Variants in PLCB1 observed in about 807,000 individuals in gnomAD.
PLCB1 encodes 1-phosphatidylinositol 4,5-bisphosphate phosphodiesterase beta-1.
Under a neutral mutation model 161.8 loss-of-function variants are expected in PLCB1, and 46 were observed. The ratio of observed to expected loss-of-function variants is 0.28; its 90% confidence interval spans 0.22 to 0.36. The LOEUF (loss-of-function observed/expected upper bound fraction) is 0.36. Ranked by LOEUF, PLCB1 falls within the 10% of genes least tolerant of loss-of-function variation. The probability of loss-of-function intolerance (pLI) is 1.00; values close to 1 mark genes in which losing one functional copy is unlikely to be tolerated. For synonymous variants in PLCB1, 517 were observed against 503.7 expected (o/e 1.03, Z -0.35); for missense variants, 1,016 against 1,472.5 (o/e 0.69, Z 5.07).
intron 31 of PLCB1, among the ~76,000 whole-genome samples, chr20:8,875,799 CT>C (rs1445151312): frequency 6.6e-6 from 1 of 151,882 alleles, no homozygotes; most frequent in African/African-American, 2.4e-5. Flanking sequence ...ACTCAGTAAT[CT>C]GTCTTATATT....
intron 3 of PLCB1, among the ~76,000 whole-genome samples, chr20:8,583,016 G>T (rs1276743860): frequency 6.7e-6 from 1 of 150,128 alleles, no homozygotes; most frequent in African/African-American, 2.5e-5. Context: ...AAAGGAAAAT[G>T]ATTCTAACAC....
chr20:8,452,494 C>T (rs887635889), intron 3 of PLCB1, among the ~76,000 whole-genome samples: 3 of 152,168 alleles, frequency 2.0e-5, no homozygotes, highest in Non-Finnish European at 4.4e-5. Context: ...TATTGTTTTT[C>T]TCCAAAGTGC....
chr20:8,808,172 C>T (rs765707336), intron 31 of PLCB1, among the ~76,000 whole-genome samples: 74 of 152,172 alleles, frequency 4.9e-4, no homozygotes, highest in Non-Finnish European at 9.3e-4. Context: ...TGCTCAGCTT[C>T]CACAGCAAAA....
chr20:8,160,822 CATTT>C (rs1233219419), intron 2 of PLCB1, among the ~76,000 whole-genome samples: 3 of 152,260 alleles, frequency 2.0e-5, no homozygotes, highest in Admixed American at 6.5e-5. Context: ...ATTATTTAAA[CATTT>C]ATCACACACA....
chr20:8,171,403 G>A (rs2051731838), intron 2 of PLCB1, among the ~76,000 whole-genome samples: 3 of 151,940 alleles, frequency 2.0e-5, no homozygotes, highest in South Asian at 2.1e-4. Context: ...CATATGTTAT[G>A]TTTTTTGTTG....
At chr20:8,150,511 C>A (rs563831388) in intron 2 of PLCB1, 140 bp downstream of exon 2, 1 of 469,680 alleles carries the variant, frequency 2.1e-6, no homozygotes, top group South Asian at 4.2e-5. Flanking sequence ...TAAAGAATAT[C>A]TAAGGTATTC....
intron 2 of PLCB1, among the ~76,000 whole-genome samples, chr20:8,330,665 A>T (rs115142808): frequency 1.5e-3 from 224 of 152,328 alleles, no homozygotes; most frequent in African/African-American, 5.3e-3. Context: ...CATTCAAGGG[A>T]TCCTGCAAAG....
At chr20:8,264,912 C>T (rs1487858147) in intron 2 of PLCB1, among the ~76,000 whole-genome samples, 1 of 152,090 alleles carries the variant, frequency 6.6e-6, no homozygotes, top group East Asian at 1.9e-4. Flanking sequence ...TGTAGCAATC[C>T]ATGTAATCTG....
chr20:8,630,076 CTCTT>C (rs1272923053), intron 4 of PLCB1, among the ~76,000 whole-genome samples: 3 of 129,518 alleles, frequency 2.3e-5, no homozygotes, highest in Non-Finnish European at 4.9e-5. Flanking sequence ...TTCTCTCTCT[CTCTT>C]TCTTGTTTTT....
At chr20:8,876,425 A>AT (rs1289663365) in intron 31 of PLCB1, among the ~76,000 whole-genome samples, 4 of 151,952 alleles carry the variant, frequency 2.6e-5, no homozygotes, top group Admixed American at 2.0e-4. Context: ...TCCTGTGGTG[A>AT]TTTTTTTTCC....
chr20:8,305,829 C>T (rs2123327813), intron 2 of PLCB1: 1 of 152,310 alleles, frequency 6.6e-6, no homozygotes, highest in South Asian at 2.1e-4. Context: ...GAATTATGTA[C>T]TGAAACACTC....
At chr20:8,719,398 T>G (rs1979506203) in intron 14 of PLCB1, among the ~76,000 whole-genome samples, 1 of 152,176 alleles carries the variant, frequency 6.6e-6, no homozygotes. Flanking sequence ...AGCCAAATAC[T>G]GGACACCAAA....
intron 2 of PLCB1, among the ~76,000 whole-genome samples, chr20:8,350,206 T>C (rs1160004108): frequency 1.3e-5 from 2 of 152,132 alleles, no homozygotes; most frequent in Non-Finnish European, 2.9e-5. Flanking sequence ...AAGCCAAGCA[T>C]CCATTAGCTA....
chr20:8,138,127 A>G (rs1365349789), intron 1 of PLCB1, among the ~76,000 whole-genome samples: 1 of 152,236 alleles, frequency 6.6e-6, no homozygotes, highest in African/African-American at 2.4e-5. Flanking sequence ...TTGCTGGAAT[A>G]TAATTTTCTC....
intron 2 of PLCB1, among the ~76,000 whole-genome samples, chr20:8,285,296 A>G (rs1460350227): frequency 1.3e-5 from 2 of 149,722 alleles, no homozygotes; most frequent in Non-Finnish European, 3.0e-5. Context: ...ATTTATATCT[A>G]TATACATATA....
At chr20:8,551,287 G>A (rs1985766581) in intron 3 of PLCB1, among the ~76,000 whole-genome samples, 1 of 152,164 alleles carries the variant, frequency 6.6e-6, no homozygotes, top group Non-Finnish European at 1.5e-5. Flanking sequence ...AAAGATCAGA[G>A]CAATACAGAC....
intron 3 of PLCB1, among the ~76,000 whole-genome samples, chr20:8,481,141 A>C (rs991425561): frequency 6.6e-6 from 1 of 151,584 alleles, no homozygotes; most frequent in Non-Finnish European, 1.5e-5. Flanking sequence ...AAAAAGAAAC[A>C]TGTAAAATAC....
chr20:8,300,987 C>T (rs1054536305), intron 2 of PLCB1, among the ~76,000 whole-genome samples: 1 of 152,140 alleles, frequency 6.6e-6, no homozygotes, highest in Non-Finnish European at 1.5e-5. Flanking sequence ...TACCAGTTCC[C>T]GAGGCTGTGA....
intron 31 of PLCB1, among the ~76,000 whole-genome samples, chr20:8,856,556 A>G (rs112735807): frequency 5.9e-4 from 89 of 151,850 alleles, no homozygotes; most frequent in African/African-American, 2.0e-3. Flanking sequence ...GGTGGAGTTT[A>G]CAGTGAGCCG....
Sources: allele counts gnomAD v4.1 joint callset (sites outside exome capture counted in the v4.1 genomes callset), GRCh38; gene constraint gnomAD v4.1.1; transcripts MANE v1.5; gene names NCBI Gene and HGNC (gene_info 2026-07-23, HGNC 2026-07-21).